DLGAP2: variants seen among roughly 807,000 people sequenced by gnomAD.
The protein encoded by DLGAP2 is disks large-associated protein 2.
In DLGAP2, 26 loss-of-function variants were observed where a neutral mutation model predicts 100.3. That is an observed-to-expected ratio of 0.26 (90% CI 0.19 to 0.36). The LOEUF is 0.36. Among genes scored for constraint, DLGAP2 ranks in the 10% least tolerant of loss-of-function variants. The probability of loss-of-function intolerance (pLI) is 1.00; values close to 1 mark genes in which losing one functional copy is unlikely to be tolerated. For missense variants in DLGAP2, 1,858 were observed against 1,453.2 expected (o/e 1.28, Z -4.53); for synonymous variants, 886 against 630.1 (o/e 1.41, Z -6.08).
At chr8:776,605 G>T (rs1273142725) in intron 1 of DLGAP2, among the ~76,000 whole-genome samples, 5 of 152,158 alleles carry the variant, frequency 3.3e-5, no homozygotes, top group East Asian at 1.9e-4. Flanking sequence ...ATTTCGTTAT[G>T]TACCCAGTAG....
chr8:759,860 A>G (rs1821034883), intron 1 of DLGAP2, among the ~76,000 whole-genome samples: 1 of 152,030 alleles, frequency 6.6e-6, no homozygotes, highest in African/African-American at 2.4e-5. Flanking sequence ...TTGCACCTTA[A>G]TTTCTTGCTC....
intron 2 of DLGAP2, among the ~76,000 whole-genome samples, chr8:1,072,034 C>A (rs533526515): frequency 6.6e-6 from 1 of 152,296 alleles, no homozygotes; most frequent in South Asian, 2.1e-4. Context: ...GAAATGGCTG[C>A]AGACACCACT....
chr8:1,098,550 C>G (rs1804466453), intron 2 of DLGAP2, among the ~76,000 whole-genome samples: 1 of 152,008 alleles, frequency 6.6e-6, no homozygotes, highest in Non-Finnish European at 1.5e-5. Flanking sequence ...AGCGGGCTGG[C>G]CCCACCCTGC....
At chr8:1,011,214 G>A (rs982470640) in intron 2 of DLGAP2, among the ~76,000 whole-genome samples, 13 of 150,672 alleles carry the variant, frequency 8.6e-5, no homozygotes, top group Non-Finnish European at 1.5e-4. Flanking sequence ...TCTGCACAGT[G>A]AGCCCTGGAA....
At chr8:1,648,276 G>A (rs1798088369) in intron 8 of DLGAP2, among the ~76,000 whole-genome samples, 1 of 152,206 alleles carries the variant, frequency 6.6e-6, no homozygotes, top group Non-Finnish European at 1.5e-5. Flanking sequence ...GCCTTTTTCT[G>A]TAGAGTTCCT....
At chr8:1,264,831 C>T (rs958713617) in intron 3 of DLGAP2, among the ~76,000 whole-genome samples, 2 of 152,090 alleles carry the variant, frequency 1.3e-5, no homozygotes, top group African/African-American at 4.8e-5. Flanking sequence ...ATGGGAGGGA[C>T]CCAGTGGGAG....
At chr8:1,618,614 C>T (rs1797231802) in intron 6 of DLGAP2, among the ~76,000 whole-genome samples, 1 of 152,214 alleles carries the variant, frequency 6.6e-6, no homozygotes, top group African/African-American at 2.4e-5. Context: ...AAAAAGAACA[C>T]AGTTGGAGGA....
At chr8:1,501,037 C>G (rs1169019305) in intron 3 of DLGAP2, among the ~76,000 whole-genome samples, 2 of 152,020 alleles carry the variant, frequency 1.3e-5, no homozygotes, top group African/African-American at 2.4e-5. Context: ...TGATTTTACT[C>G]AAGTCTGTTC....
intron 2 of DLGAP2, among the ~76,000 whole-genome samples, chr8:1,227,146 A>G (rs1798432472): frequency 9.0e-6 from 1 of 110,772 alleles, no homozygotes; most frequent in Admixed American, 8.2e-5. Flanking sequence ...GGGTAAGGAA[A>G]CTGTGAGATA....
intron 2 of DLGAP2, among the ~76,000 whole-genome samples, chr8:963,117 C>T (rs768622420): frequency 1.3e-5 from 2 of 152,174 alleles, no homozygotes; most frequent in East Asian, 1.9e-4. Context: ...AAAGCAGCAA[C>T]AGCGGTCACC....
intron 1 of DLGAP2, among the ~76,000 whole-genome samples, chr8:768,497 T>C (rs1821272953): frequency 1.4e-5 from 2 of 145,100 alleles, no homozygotes. Context: ...TGATCTTGGC[T>C]CACTGCAACC....
At chr8:1,452,675 A>C (rs1001734887) in intron 3 of DLGAP2, among the ~76,000 whole-genome samples, 1 of 152,118 alleles carries the variant, frequency 6.6e-6, no homozygotes, top group African/African-American at 2.4e-5. Context: ...ATTATCAGCA[A>C]AGGCTCTGTG....
At chr8:764,555 G>C (rs1205604701) in intron 1 of DLGAP2, among the ~76,000 whole-genome samples, 1 of 152,162 alleles carries the variant, frequency 6.6e-6, no homozygotes, top group Admixed American at 6.5e-5. Flanking sequence ...CTGATTTTGT[G>C]GTCTAGCCTT....
At chr8:1,174,360 C>G (rs900806036) in intron 2 of DLGAP2, among the ~76,000 whole-genome samples, 3 of 151,508 alleles carry the variant, frequency 2.0e-5, no homozygotes, top group Admixed American at 6.6e-5. Context: ...ATTACCATCA[C>G]CAAAATCATT....
intron 3 of DLGAP2, among the ~76,000 whole-genome samples, chr8:1,274,259 C>G (rs746679431): frequency 6.6e-6 from 1 of 152,066 alleles, no homozygotes; most frequent in Non-Finnish European, 1.5e-5. Context: ...CTCTTCCCCA[C>G]CCACCATAAG....
intron 3 of DLGAP2, among the ~76,000 whole-genome samples, chr8:1,374,186 G>A (rs552495864): frequency 6.6e-6 from 1 of 152,098 alleles, no homozygotes; most frequent in African/African-American, 2.4e-5. Context: ...GGGCTGTGGT[G>A]GAGGTTAGGG....
chr8:940,542 C>T (rs540758527), intron 2 of DLGAP2, among the ~76,000 whole-genome samples: 74 of 152,242 alleles, frequency 4.9e-4, no homozygotes, highest in African/African-American at 1.7e-3. Context: ...CATCCGTGTC[C>T]ATGACATGCG....
chr8:1,624,146 T>C (rs1797429940), intron 6 of DLGAP2, among the ~76,000 whole-genome samples: 1 of 152,174 alleles, frequency 6.6e-6, no homozygotes, highest in East Asian at 1.9e-4. Context: ...AGAAGGCAGC[T>C]TCAATTTGAG....
intron 2 of DLGAP2, among the ~76,000 whole-genome samples, chr8:983,153 T>A (rs1336485933): frequency 1.3e-5 from 2 of 152,346 alleles, no homozygotes; most frequent in East Asian, 1.9e-4. Flanking sequence ...ATTTAGATAA[T>A]GTTCTCTTGA....
Sources: allele counts gnomAD v4.1 joint callset (sites outside exome capture counted in the v4.1 genomes callset), GRCh38; gene constraint gnomAD v4.1.1; transcripts MANE v1.5; gene names NCBI Gene and HGNC (gene_info 2026-07-23, HGNC 2026-07-21).